ESR1: variants seen among roughly 807,000 people sequenced by gnomAD.
ESR1 encodes estrogen receptor.
In ESR1, 12 loss-of-function variants were observed where a neutral mutation model predicts 52.7. The ratio of observed to expected loss-of-function variants is 0.23; its 90% CI spans 0.15 to 0.37. The LOEUF is 0.37. Ranked by LOEUF, ESR1 falls within the 10% of genes least tolerant of loss-of-function variation. The pLI, the probability that ESR1 is intolerant of heterozygous loss-of-function variation, is 1.00. For missense variants in ESR1, 584 were observed against 779.7 expected (o/e 0.75, Z 2.99); for synonymous variants, 305 against 316.8 (o/e 0.96, Z 0.39).
chr6:152,022,281 A>T (rs1445094226), intron 5 of ESR1, among the ~76,000 whole-genome samples: 1 of 152,156 alleles, frequency 6.6e-6, no homozygotes, highest in Non-Finnish European at 1.5e-5. Flanking sequence ...GGTATTGGCG[A>T]CTGAAAGGAT....
intron 4 of ESR1, among the ~76,000 whole-genome samples, chr6:151,999,495 A>C (rs193221237): frequency 6.6e-6 from 1 of 152,262 alleles, no homozygotes; most frequent in Admixed American, 6.5e-5. Flanking sequence ...ATATATAACA[A>C]GCATTTCCAG....
In ESR1 at chr6:151,757,658, A is replaced by C. The variant is rs889186787; in HGVS notation, c.-70-50185A>C. Reference sequence around the variant, plus strand: ...AGCTGTTGTTTCACCCAAACATTGAAGTTCTCGCTTGGACCCCTTTGCTTG... The same window carrying C: ...AGCTGTTGTTTCACCCAAACATTGACGTTCTCGCTTGGACCCCTTTGCTTG... On this transcript the variant is annotated intron_variant, in intron 2 of 2. Transcript: ENST00000404742. 3.9e-5 allele frequency among the ~76,000 whole-genome samples: 6 copies of C among 152,226 alleles called. No individual in the cohort carries two copies. In the East Asian group the frequency reaches 1.2e-3, roughly 29 times the overall value.
chr6:152,106,014 C>T (rs1160059507), downstream of ESR1, among the ~76,000 whole-genome samples: 32 of 150,304 alleles, frequency 2.1e-4, no homozygotes, highest in African/African-American at 7.6e-4. Context: ...AGGATGGTCT[C>T]GATCTCCTGA....
At chr6:151,862,868 C>T (rs537719720) in intron 2 of ESR1, among the ~76,000 whole-genome samples, 15 of 151,902 alleles carry the variant, frequency 9.9e-5, no homozygotes, top group African/African-American at 3.1e-4. Flanking sequence ...GGTAGCAGAA[C>T]GAGAAAAGAA....
chr6:152,079,656 A>C (rs1164877737), intron 6 of ESR1, among the ~76,000 whole-genome samples: 1 of 152,194 alleles, frequency 6.6e-6, no homozygotes, highest in Non-Finnish European at 1.5e-5. Context: ...GAGTTGACAG[A>C]AGTAGGCTTC....
At chr6:152,056,095 C>A (rs182048373) in intron 5 of ESR1, among the ~76,000 whole-genome samples, 3 of 152,224 alleles carry the variant, frequency 2.0e-5, no homozygotes, top group African/African-American at 7.2e-5. Flanking sequence ...GTCTAAACAA[C>A]TTTCATTTTA....
At chr6:151,796,936 C>T (rs1032549414) in intron 2 of ESR1, among the ~76,000 whole-genome samples, 1 of 152,212 alleles carries the variant, frequency 6.6e-6, no homozygotes, top group African/African-American at 2.4e-5. Context: ...CAACCACCTT[C>T]CTCCCAACCT....
chr6:152,057,072 G>T (rs2047165053), intron 5 of ESR1, among the ~76,000 whole-genome samples: 2 of 152,034 alleles, frequency 1.3e-5, no homozygotes, highest in African/African-American at 4.8e-5. Context: ...GAATATTTTG[G>T]CTAGACTTTG....
chr6:151,920,642 G>A (rs2031456271), intron 3 of ESR1, among the ~76,000 whole-genome samples: 1 of 151,958 alleles, frequency 6.6e-6, no homozygotes, highest in Non-Finnish European at 1.5e-5. Context: ...ACCCCAGGTA[G>A]TTTAGGCATT....
intron 2 of ESR1, among the ~76,000 whole-genome samples, chr6:151,711,737 G>T (rs1295673827): frequency 2.0e-5 from 3 of 151,532 alleles, no homozygotes; most frequent in Admixed American, 6.6e-5. Context: ...TTAAGTTCTT[G>T]TAGATATTAG....
chr6:151,947,868 GT>G (rs35299677), intron 4 of ESR1, among the ~76,000 whole-genome samples: 79,930 of 150,972 alleles, frequency 0.53, 23,479 homozygotes, highest in Middle Eastern at 0.71. Context: ...GACAAAAGAT[GT>G]TTTTTTTATA....
intron 1 of ESR1, among the ~76,000 whole-genome samples, chr6:151,685,003 C>T (rs1477280148): frequency 6.6e-6 from 1 of 151,728 alleles, no homozygotes; most frequent in Admixed American, 6.6e-5. Context: ...TGTAAAGCCA[C>T]TGCTCCTTTC....
chr6:151,874,992 G>T (rs1200816249), intron 2 of ESR1, among the ~76,000 whole-genome samples: 2 of 152,134 alleles, frequency 1.3e-5, no homozygotes, highest in African/African-American at 4.8e-5. Flanking sequence ...AGGGGAAAAT[G>T]GCATTTTAAT....
intron 2 of ESR1, among the ~76,000 whole-genome samples, chr6:151,767,218 A>C (rs1583194152): frequency 6.6e-6 from 1 of 152,340 alleles, no homozygotes; most frequent in Admixed American, 6.5e-5. Flanking sequence ...TCCCTTGCAT[A>C]TAATTTCCAC....
In ESR1 at chr6:152,099,922, G is replaced by T; in HGVS notation, c.*956G>T. ...TGTTCACTGTGGTGATGCATGATGA[G>T]GGTAAATGGTAGTTGAAAGGAGCAG... On this transcript the variant is annotated 3_prime_UTR_variant, in exon 8 of 8. Coordinates refer to ENST00000206249, the MANE Select transcript of ESR1 (RefSeq NM_000125.4). 1 of 398,804 alleles carries T rather than the reference G, an allele frequency of 2.5e-6. No individual in the cohort carries two copies. Among genetic ancestry groups the T allele is most frequent in the South Asian group, 1.3e-4 (1 of 7,698 alleles). 24.7% of individuals were successfully genotyped at this position (398,804 alleles called of 1,614,324 possible).
At chr6:151,914,047 T>C (rs1798673531) in intron 3 of ESR1, among the ~76,000 whole-genome samples, 1 of 152,190 alleles carries the variant, frequency 6.6e-6, no homozygotes, top group South Asian at 2.1e-4. Flanking sequence ...CTCTGTGTTC[T>C]ATTCCTTCAA....
intron 2 of ESR1, among the ~76,000 whole-genome samples, chr6:151,785,300 T>A (rs1033625524): frequency 6.6e-6 from 1 of 152,106 alleles, no homozygotes; most frequent in Non-Finnish European, 1.5e-5. Flanking sequence ...AGAGATGGCA[T>A]CTGGGTGGAG....
At chr6:151,794,792 A>G (rs944255032) in intron 2 of ESR1, among the ~76,000 whole-genome samples, 1 of 152,178 alleles carries the variant, frequency 6.6e-6, no homozygotes, top group African/African-American at 2.4e-5. Context: ...AGGTGCCAAC[A>G]TGCATGGCTA....
At chr6:152,011,634 G>T (rs2042776396) in intron 4 of ESR1, 22 bp from the exon 5 acceptor site, 1 of 1,612,796 alleles carries the variant, frequency 6.2e-7, no homozygotes, top group African/African-American at 1.3e-5. Context: ...GAGTCAGCAG[G>T]GTTTTTCTTG....
Sources: allele counts gnomAD v4.1 joint callset (sites outside exome capture counted in the v4.1 genomes callset), GRCh38; gene constraint gnomAD v4.1.1; transcripts MANE v1.5; gene names NCBI Gene and HGNC (gene_info 2026-07-23, HGNC 2026-07-21).